Variants in TMEM259 observed in about 807,000 individuals in gnomAD.
The protein encoded by TMEM259 is transmembrane protein 259.
In TMEM259, 26 loss-of-function variants were observed where a neutral mutation model predicts 46.7. The observed-to-expected ratio is 0.56, with a 90% CI of 0.41 to 0.77. The LOEUF is 0.77. TMEM259 is among the 30% of genes least tolerant of loss of function. The pLI is 0.00. For missense variants in TMEM259, 930 were observed against 900.5 expected (o/e 1.03, Z -0.42); for synonymous variants, 494 against 395.1 (o/e 1.25, Z -2.97).
At position 1,010,374 on chromosome 19, in the gene TMEM259, C is replaced by T. The variant is rs761244317; in HGVS notation, c.1839G>A (p.Glu613=). The T allele has an allele frequency of 6.7e-7, 1 of 1,499,178 alleles. No homozygotes were observed. The highest frequency in any genetic ancestry group is 1.3e-5 in the South Asian group (1 of 76,172). The allele number at this position is 1,499,178 out of a possible 1,614,324, so 92.9% of individuals were successfully genotyped here. ...CTCAGGACCCCACCTCCGAGGGCGC[C>T]TCCGTTGGGGCCATGGAGGCCGGGC... ...GPSPASMAPT[E]APSEVGS Residue 613 remains glutamate, a synonymous_variant, in exon 11 of 11, where the codon GAG becomes GAA. Coordinates refer to ENST00000356663, the MANE Select transcript of TMEM259 (RefSeq NM_001033026.2).
Position 1,012,002 on chromosome 19 carries a change from A to G in TMEM259, c.842-10T>C. 6.2e-7 allele frequency: 1 copy of G among 1,611,856 alleles called. No homozygotes were observed. ...ACATTCCGCAGGAAGCCTGCAGCAGAAGGAGCCGTGAGCGCCCGCCCCCAC... is the reference window on the plus strand; with the variant it reads ...ACATTCCGCAGGAAGCCTGCAGCAGGAGGAGCCGTGAGCGCCCGCCCCCAC... On this transcript the variant is annotated splice_polypyrimidine_tract_variant and intron_variant, in intron 5 of 10. Coordinates refer to ENST00000356663, the MANE Select transcript of TMEM259 (RefSeq NM_001033026.2).
chr19:1,010,299 G>A lies in TMEM259; in HGVS notation c.*51C>T, dbSNP rs920525385. ...TGGCCTCCCCCACCCCCACGGGCTC[G>A]GGAAGGTCAGGCCCAGCCAGCAGGG... On this transcript the variant is annotated 3_prime_UTR_variant, in exon 11 of 11. Coordinates refer to ENST00000356663, the MANE Select transcript of TMEM259 (RefSeq NM_001033026.2). 10 of 1,401,202 alleles carry A rather than the reference G, an allele frequency of 7.1e-6. No homozygotes were observed. Among genetic ancestry groups the A allele is most frequent in the Admixed American group, 3.3e-5 (1 of 29,944 alleles). 86.8% of individuals were successfully genotyped at this position (1,401,202 alleles called of 1,614,324 possible).
intron 4 of TMEM259, 132 bp from the exon 5 acceptor site, chr19:1,012,320 C>T (rs913645254): frequency 4.7e-6 from 7 of 1,499,208 alleles, no homozygotes; most frequent in Middle Eastern, 2.3e-4. Flanking sequence ...CATCCAGGAC[C>T]CCAGCCCTGG....
rs1177994871 is a variant in TMEM259 at position 1,020,739 on chromosome 19, G to A, written c.225+33C>T. ...GACTTGGGGGTCGGGACAGCCGCTG[G>A]GGTCAAGGGTCGGGGGTCGGGGCCG... On this transcript the variant is annotated intron_variant, in intron 1 of 10. Transcript: ENST00000356663. This position sits in a 1 kb window ranked among gnomAD's most constrained non-coding sequence, Gnocchi z 4.0. The A allele has an allele frequency of 3.1e-6, 4 of 1,280,158 alleles. No homozygotes were observed. The African/African-American group carries it at 6.2e-5, about 20-fold the overall frequency. 79.3% of individuals were successfully genotyped at this position (1,280,158 alleles called of 1,614,324 possible).
chr19:1,016,784 T>A (rs139700345), intron 1 of TMEM259, among the ~76,000 whole-genome samples: 1 of 152,190 alleles, frequency 6.6e-6, no homozygotes, highest in Non-Finnish European at 1.5e-5. Flanking sequence ...GTCAGCTTGG[T>A]CCAGGGTCAG....
At position 1,010,259 on chromosome 19, in the gene TMEM259, G is replaced by C; in HGVS notation, c.*91C>G. 1 of 1,216,176 alleles carries C rather than the reference G, an allele frequency of 8.2e-7. No individual in the cohort carries two copies. The highest frequency in any genetic ancestry group is 1.1e-6 in the Non-Finnish European group (1 of 919,794). The allele number at this position is 1,216,176 out of a possible 1,614,324, so 75.3% of individuals were successfully genotyped here. Reference sequence around the variant, plus strand: ...CCCCGACACAGGCTGGGCAGTCCCAGAGGAAGGAGGTGGCTGGCCTCCCCC... The same window carrying C: ...CCCCGACACAGGCTGGGCAGTCCCACAGGAAGGAGGTGGCTGGCCTCCCCC... On this transcript the variant is annotated 3_prime_UTR_variant, in exon 11 of 11. Coordinates refer to ENST00000356663, the MANE Select transcript of TMEM259 (RefSeq NM_001033026.2).
intron 1 of TMEM259, 34 bp from the exon 2 acceptor site, chr19:1,014,507 AG>A (rs2145589333): frequency 6.3e-7 from 1 of 1,590,298 alleles, no homozygotes; most frequent in Non-Finnish European, 8.6e-7. Context: ...GGGGCGCCCC[AG>A]GGCCAGCTGC....
At position 1,014,060 on chromosome 19, in the gene TMEM259, G is replaced by T. The variant is rs888687415; in HGVS notation, c.507+132C>A. ...CCAAAAGGCCACGGCAGGCAGGGGC[G>T]GCCTTGTCTGCATGCCAGGTCCCTG... is the stretch of plus-strand genomic sequence containing the variant. On this transcript the variant is annotated intron_variant, in intron 2 of 10. Transcript: ENST00000356663. 5 of 1,172,066 alleles carry T rather than the reference G, an allele frequency of 4.3e-6. No individual in the cohort carries two copies. In the African/African-American group the frequency reaches 4.6e-5, roughly 11 times the overall value. 72.6% of individuals were successfully genotyped at this position (1,172,066 alleles called of 1,614,324 possible). A position where few individuals can be genotyped will look rare whatever the true frequency, so the allele number is the denominator to read the frequency against.
chr19:1,014,944 C>T lies in TMEM259; in HGVS notation c.226-471G>A, dbSNP rs560307322. 5.9e-5 allele frequency among the ~76,000 whole-genome samples: 9 copies of T among 152,306 alleles called. No individual in the cohort carries two copies. The East Asian group carries it at 1.5e-3, about 26-fold the overall frequency. On this transcript the variant is annotated intron_variant, in intron 1 of 10. Coordinates refer to ENST00000356663, the MANE Select transcript of TMEM259 (RefSeq NM_001033026.2). Reference sequence around the variant, plus strand: ...CCAACGGCTCCCGCCCTGCAAGCAGCAGCATGGGTGTTGCCGCCACCCCAG... The same window carrying T: ...CCAACGGCTCCCGCCCTGCAAGCAGTAGCATGGGTGTTGCCGCCACCCCAG...
intron 2 of TMEM259, 23 bp downstream of exon 2, chr19:1,014,169 A>G: frequency 6.3e-7 from 1 of 1,593,940 alleles, no homozygotes; most frequent in Admixed American, 1.7e-5. Flanking sequence ...CCTCTGCTGC[A>G]GCTGAGCCCA....
chr19:1,013,481 G>A (rs536776658), intron 2 of TMEM259, 141 bp from the exon 3 acceptor site: 77 of 751,000 alleles, frequency 1.0e-4, no homozygotes, highest in Non-Finnish European at 1.5e-4. Context: ...GGTGGACTAC[G>A]TGTGCCTCCC....
At position 1,009,653 on chromosome 19, in the gene TMEM259, C is replaced by G. The variant is rs562490014; in HGVS notation, c.*697G>C. 10 of 1,313,002 alleles carry G rather than the reference C, an allele frequency of 7.6e-6. 1 individual carries two copies. The South Asian group carries it at 1.7e-4, about 23-fold the overall frequency. 81.3% of individuals were successfully genotyped at this position (1,313,002 alleles called of 1,614,324 possible). On this transcript the variant is annotated 3_prime_UTR_variant, in exon 11 of 11. Coordinates refer to ENST00000356663, the MANE Select transcript of TMEM259 (RefSeq NM_001033026.2). ...AAGACACACACACAGCGCAGTGAGC[C>G]GCTGTCAACAGACAGTTTATTCTAT...
At chr19:1,017,991 G>A (rs779530521) in intron 1 of TMEM259, among the ~76,000 whole-genome samples, 7 of 152,060 alleles carry the variant, frequency 4.6e-5, no homozygotes, top group Admixed American at 2.0e-4. Context: ...CACATACCCC[G>A]TCTTTAATCG....
intron 9 of TMEM259, 71 bp downstream of exon 9, chr19:1,011,296 C>T: frequency 6.5e-7 from 1 of 1,539,706 alleles, no homozygotes; most frequent in Non-Finnish European, 8.7e-7. Flanking sequence ...GCCTCCAGCG[C>T]CCCTCCCTCT....
At position 1,013,192 on chromosome 19, in the gene TMEM259, A is replaced by G. The variant is rs370961200; in HGVS notation, c.607+49T>C. The G allele has an allele frequency of 1.8e-5, 28 of 1,551,938 alleles. No homozygotes were observed. In the African/African-American group the frequency reaches 2.6e-4, roughly 14 times the overall value. ...GACCCCGCCTGCACCCCAGCACCCC[A>G]TGACTGAGGCAACCCCGTGAGGCAG... On this transcript the variant is annotated intron_variant, in intron 3 of 10. Coordinates refer to ENST00000356663, the MANE Select transcript of TMEM259 (RefSeq NM_001033026.2).
intron 2 of TMEM259, 34 bp from the exon 3 acceptor site, chr19:1,013,374 G>A (rs111354196): frequency 0.035 from 55,775 of 1,605,440 alleles, 1,185 homozygotes; most frequent in South Asian, 0.06. Context: ...TGTCAGCAGC[G>A]CCAGCCCGGG....
At chr19:1,012,260 C>T (rs1449730000) in intron 4 of TMEM259, 72 bp from the exon 5 acceptor site, 4 of 1,541,710 alleles carry the variant, frequency 2.6e-6, no homozygotes, top group South Asian at 1.2e-5. Context: ...CAGCTGGCTC[C>T]ATTGCTGAGG....
At chr19:1,012,887 G>A (rs1443078803) in intron 3 of TMEM259, among the ~76,000 whole-genome samples, 2 of 152,190 alleles carry the variant, frequency 1.3e-5, no homozygotes, top group African/African-American at 4.8e-5. Context: ...AGAGGCCCCG[G>A]CCCTCTGGAT....
chr19:1,012,380 C>T lies in TMEM259; in HGVS notation c.718+83G>A, dbSNP rs2240162. On this transcript the variant is annotated intron_variant, in intron 4 of 10. Transcript: ENST00000356663. The stretch of plus-strand genomic sequence containing the variant: ...CCCCAGTGCTTCCTGCACAGCCCCC[C>T]GTCCCGCACCAGCAGGAGGAGACCC... The T allele has an allele frequency of 4.5e-5, 68 of 1,515,512 alleles. 1 individual carries two copies. In the Admixed American group the frequency reaches 6.7e-4, roughly 15 times the overall value. 93.9% of individuals were successfully genotyped at this position (1,515,512 alleles called of 1,614,324 possible). A position where few individuals can be genotyped will look rare whatever the true frequency, so the allele number is the denominator to read the frequency against.
Sources: gnomAD v4.1 joint callset for allele counts (sites outside exome capture counted in the v4.1 genomes callset) on GRCh38, gnomAD v4.1.1 for gene constraint, Gnocchi (gnomAD v3.1) non-coding constraint, MANE v1.5 for transcripts, NCBI Gene and HGNC (gene_info 2026-07-23, HGNC 2026-07-21) for gene names.